The following KLRG1 variants were observed in gnomAD, a reference collection of about 807,000 sequenced individuals.
KLRG1 encodes killer cell lectin-like receptor subfamily G member 1.
KLRG1 carries 16 observed loss-of-function variants against 21.8 expected under a neutral mutation model. The ratio of observed to expected loss-of-function variants is 0.73; its 90% confidence interval spans 0.50 to 1.11. The LOEUF is 1.11. KLRG1 is among the 50% of genes most tolerant of loss of function. The pLI is 0.00. For missense variants in KLRG1, 173 were observed against 218.3 expected, an observed-to-expected ratio of 0.79 and a Z score of 1.31; for synonymous variants, 69 against 75.9, an observed-to-expected ratio of 0.91 and a Z score of 0.47.
At chr12:9,029,422 G>A in the KLRG1 span, among the ~76,000 whole-genome samples, 1 of 151,996 alleles carries the variant, frequency 6.6e-6, no homozygotes, top group African/African-American at 2.4e-5. Context: ...CACCATGTTG[G>A]CCAGGCTGGT....
chr12:9,028,967 C>T, the KLRG1 span: 12 of 621,350 alleles, frequency 1.9e-5, no homozygotes, highest in Admixed American at 1.9e-4. Context: ...CGGCACAGTC[C>T]GTGAGCGTTC....
intron 1 of KLRG1, among the ~76,000 whole-genome samples, chr12:8,983,741 C>T (rs1361652927): frequency 2.6e-5 from 4 of 152,180 alleles, no homozygotes; most frequent in Non-Finnish European, 5.9e-5. Context: ...TGCTTTTCTC[C>T]TTTTTTGTTT....
chr12:8,962,915 ATAAAAAC>A (rs1359870436), intron 1 of KLRG1, among the ~76,000 whole-genome samples: 1 of 152,142 alleles, frequency 6.6e-6, no homozygotes, highest in Non-Finnish European at 1.5e-5. Context: ...TCCAAATGAG[ATAAAAAC>A]TAAAAACTCA....
the KLRG1 span, chr12:9,072,815 C>T: frequency 6.2e-7 from 1 of 1,614,170 alleles, no homozygotes; most frequent in Non-Finnish European, 8.5e-7. Flanking sequence ...CCTTCCCAGT[C>T]CTGGTAAATG....
chr12:8,972,097 G>C (rs1946578320), intron 1 of KLRG1, among the ~76,000 whole-genome samples: 1 of 152,126 alleles, frequency 6.6e-6, no homozygotes, highest in Non-Finnish European at 1.5e-5. Context: ...ATGTCAAGAA[G>C]ATTTCCCCTC....
At chr12:8,980,246 A>G (rs764629228) in intron 1 of KLRG1, among the ~76,000 whole-genome samples, 2 of 151,748 alleles carry the variant, frequency 1.3e-5, no homozygotes, top group Non-Finnish European at 2.9e-5. Flanking sequence ...TTGTTTTTTA[A>G]TGATTTCTAT....
chr12:9,160,199 A>G, the KLRG1 span: 1 of 1,144,740 alleles, frequency 8.7e-7, no homozygotes, highest in Non-Finnish European at 1.3e-6. Flanking sequence ...GTGTGGGAAG[A>G]TTGTTGTTTT....
chr12:8,992,568 C>T (rs964503969), intron 2 of KLRG1, among the ~76,000 whole-genome samples: 1 of 152,004 alleles, frequency 6.6e-6, no homozygotes, highest in Non-Finnish European at 1.5e-5. Context: ...GCTATACCAG[C>T]GGATCCTGTG....
intron 1 of KLRG1, among the ~76,000 whole-genome samples, chr12:8,981,439 T>C (rs774443676): frequency 1.9e-4 from 29 of 152,176 alleles, no homozygotes; most frequent in African/African-American, 6.7e-4. Context: ...TCTATATATT[T>C]TTGTATTCTA....
the KLRG1 span, among the ~76,000 whole-genome samples, chr12:9,194,869 A>G: frequency 6.6e-6 from 1 of 152,170 alleles, no homozygotes; most frequent in Non-Finnish European, 1.5e-5. Flanking sequence ...TTTCGCATAG[A>G]CGGAGGCTAG....
upstream of KLRG1, chr12:8,987,605 A>G (rs1050409563): frequency 2.0e-5 from 3 of 152,238 alleles, no homozygotes; most frequent in Non-Finnish European, 4.4e-5. Flanking sequence ...CCGTATCTCC[A>G]GAACTTAATC....
the KLRG1 span, chr12:9,079,545 C>A: frequency 8.1e-7 from 1 of 1,241,500 alleles, no homozygotes; most frequent in Non-Finnish European, 1.1e-6. Context: ...GTGAGCTAAG[C>A]TAATGTATCA....
the KLRG1 span, chr12:9,069,806 C>A: frequency 6.2e-7 from 1 of 1,613,440 alleles, no homozygotes; most frequent in Non-Finnish European, 8.5e-7. Context: ...ATGGTTAGAT[C>A]TTTCAAGCTG....
At chr12:9,027,204 G>A in the KLRG1 span, among the ~76,000 whole-genome samples, 10 of 150,654 alleles carry the variant, frequency 6.6e-5, no homozygotes, top group East Asian at 7.7e-4. Context: ...TAAAAGAGAC[G>A]TTTATTCAGC....
At chr12:9,026,572 C>A in the KLRG1 span, among the ~76,000 whole-genome samples, 1 of 152,190 alleles carries the variant, frequency 6.6e-6, no homozygotes, top group South Asian at 2.1e-4. Context: ...GTGCTTTCCA[C>A]ACTATTAGTG....
chr12:8,970,476 A>T (rs961831410), intron 1 of KLRG1: 1 of 152,274 alleles, frequency 6.6e-6, no homozygotes, highest in African/African-American at 2.4e-5. Context: ...AATTGAATTT[A>T]TGGTTAAAGT....
chr12:9,183,156 A>G, the KLRG1 span, among the ~76,000 whole-genome samples: 16,873 of 152,222 alleles, frequency 0.11, 1,041 homozygotes, highest in African/African-American at 0.17. Context: ...TACCCTTAGG[A>G]ATATTTTACA....
chr12:9,211,142 A>G, the KLRG1 span, among the ~76,000 whole-genome samples: 3 of 152,234 alleles, frequency 2.0e-5, no homozygotes, highest in Admixed American at 6.5e-5. Flanking sequence ...TATTGCCACC[A>G]ATACTCTAGC....
the KLRG1 span, among the ~76,000 whole-genome samples, chr12:9,178,621 G>A: frequency 6.6e-6 from 1 of 152,314 alleles, no homozygotes; most frequent in African/African-American, 2.4e-5. Context: ...AGAAAATCAT[G>A]CTTGTTTTGC....
Sources: allele counts gnomAD v4.1 joint callset (sites outside exome capture counted in the v4.1 genomes callset), GRCh38; gene constraint gnomAD v4.1.1; transcripts MANE v1.5; gene names NCBI Gene and HGNC (gene_info 2026-07-23, HGNC 2026-07-21).